HSPA12A: variants seen among roughly 807,000 people sequenced by gnomAD.
The protein encoded by HSPA12A is heat shock 70 kDa protein 12A.
HSPA12A carries 28 observed loss-of-function variants against 69.2 expected under a neutral mutation model. The ratio of observed to expected loss-of-function variants is 0.40; its 90% CI spans 0.30 to 0.55. The LOEUF is 0.55. Among genes scored for constraint, HSPA12A ranks in the 20% least tolerant of loss-of-function variants. The probability of loss-of-function intolerance (pLI) is 0.38; values close to 1 mark genes in which losing one functional copy is unlikely to be tolerated. For missense variants in HSPA12A, 686 were observed against 900.7 expected (o/e 0.76, Z 3.05); for synonymous variants, 345 against 370.5 (o/e 0.93, Z 0.79).
chr10:116,843,202 C>G (rs972157353), intron 1 of HSPA12A, among the ~76,000 whole-genome samples: 36 of 152,160 alleles, frequency 2.4e-4, no homozygotes, highest in African/African-American at 8.4e-4. Flanking sequence ...TGAAACAACA[C>G]AACTTCACAA....
chr10:116,755,505 A>AG (rs1166686423), intron 2 of HSPA12A, among the ~76,000 whole-genome samples: 1 of 147,112 alleles, frequency 6.8e-6, no homozygotes, highest in Non-Finnish European at 1.5e-5. Context: ...CCAGATACTT[A>AG]GGGGGCTGAA....
chr10:116,755,625 A>AG (rs1554888686), intron 2 of HSPA12A, among the ~76,000 whole-genome samples: 1 of 151,114 alleles, frequency 6.6e-6, no homozygotes, highest in African/African-American at 2.4e-5. Context: ...AAAAAAAAAA[A>AG]AAAAAAAGGT....
intron 1 of HSPA12A, 120 bp from the exon 2 acceptor site, chr10:116,707,405 G>A (rs1352287576): frequency 6.5e-6 from 5 of 764,800 alleles, no homozygotes; most frequent in East Asian, 2.7e-5. Flanking sequence ...GCCAGCTCAC[G>A]AAATGGGCAA....
Position 116,675,140 on chromosome 10 carries a change from C to T in HSPA12A, c.1669G>A (p.Val557Met), listed in dbSNP as rs1554877400. ...GTGCACCACCGAGTGCCATCCTTCA[C>T]CAGCAGCTTCTCAGGCGGGTGCTTG... ...EGKHPPEKLLVKDGTRWCTDV... is the reference protein window; with the variant it reads ...EGKHPPEKLLMKDGTRWCTDV... Residue 557 changes from valine to methionine, a missense_variant, in exon 12 of 12, where the codon GTG becomes ATG. Physicochemically the swap from Val to Met is conservative, Grantham distance 21. Coordinates refer to ENST00000369209, the MANE Select transcript of HSPA12A (RefSeq NM_025015.3). This position sits in a 1 kb window ranked among gnomAD's most constrained non-coding sequence, Gnocchi z 5.2. 6.2e-7 allele frequency: 1 copy of T among 1,614,034 alleles called. No homozygotes were observed. Among genetic ancestry groups the T allele is most frequent in the East Asian group, 2.2e-5 (1 of 44,864 alleles).
chr10:116,776,857 T>C (rs1554891208), intron 2 of HSPA12A, among the ~76,000 whole-genome samples: 1 of 152,226 alleles, frequency 6.6e-6, no homozygotes. Context: ...GCAAATATGA[T>C]AATTTAGGGA....
Position 116,788,951 on chromosome 10 carries a change from T to G in HSPA12A, c.91+45984A>C, listed in dbSNP as rs555579877. Among the ~76,000 whole-genome samples, 62 of 151,152 alleles carry G rather than the reference T, an allele frequency of 4.1e-4. 1 individual carries two copies. Among genetic ancestry groups the G allele is most frequent in the African/African-American group, 1.2e-3 (51 of 41,208 alleles). ...CAAGATCTCAGCTCACTGCAACCTC[T>G]ACCTCCCGGGTTCAAGCAGTTCTCC... On this transcript the variant is annotated intron_variant, in intron 2 of 12. Coordinates refer to the HSPA12A transcript ENST00000635765.
At position 116,692,332 on chromosome 10, in the gene HSPA12A, G is replaced by A. The variant is rs782171914; in HGVS notation, c.663+19C>T. 39 of 1,596,596 alleles carry A rather than the reference G, an allele frequency of 2.4e-5. No individual in the cohort carries two copies. Among genetic ancestry groups the A allele is most frequent in the South Asian group, 1.1e-4 (10 of 90,602 alleles). The stretch of plus-strand genomic sequence containing the variant: ...AGTCCTTCTCCTCCGGCTTCCACCC[G>A]CCCTGACTCTACCCTCACCTGGTAG... On this transcript the variant is annotated intron_variant, in intron 6 of 11. Coordinates refer to ENST00000369209, the MANE Select transcript of HSPA12A (RefSeq NM_025015.3).
At chr10:116,835,244 T>G (rs989739946) in intron 1 of HSPA12A, 3 of 273,064 alleles carry the variant, frequency 1.1e-5, no homozygotes, top group Non-Finnish European at 2.1e-5. Flanking sequence ...GCCCTGAGTC[T>G]CAGATGTTTT....
chr10:116,687,288 G>A lies in HSPA12A; in HGVS notation c.664-3326C>T, dbSNP rs115178843. Among the ~76,000 whole-genome samples, 218 of 152,294 alleles carry A rather than the reference G, an allele frequency of 1.4e-3. 1 individual carries two copies. The highest frequency in any genetic ancestry group is 4.9e-3 in the African/African-American group (203 of 41,562). ...CTGTACCAAGATGAGGATGCAGGTG[G>A]GAAGCGAAGGTGAAGAGGACCCCAC... On this transcript the variant is annotated intron_variant, in intron 6 of 11. Transcript: ENST00000369209.
In HSPA12A at chr10:116,675,273, G is replaced by T. The variant is rs201028668; in HGVS notation, c.1536C>A (p.Leu512=). ...AGAGGACGGCACCCTTGAGGATGGT[G>T]AGGCCCACGTCCTGGGGGATGATGA... ...CRIIIPQDVG[L]TILKGAVLFG... is the part of the protein sequence containing the mutation. The change falls in exon 12 of 12, where the codon CTC becomes CTA. Residue 512 remains leucine, a synonymous_variant. Transcript: ENST00000369209. This position sits in a 1 kb window ranked among gnomAD's most constrained non-coding sequence, Gnocchi z 5.2. The T allele has an allele frequency of 1.6e-4, 258 of 1,613,694 alleles. No individual in the cohort carries two copies. The highest frequency in any genetic ancestry group is 1.9e-4 in the Non-Finnish European group (220 of 1,180,044).
intron 1 of HSPA12A, among the ~76,000 whole-genome samples, chr10:116,842,524 T>C (rs925291151): frequency 6.6e-5 from 10 of 152,234 alleles, no homozygotes; most frequent in Non-Finnish European, 1.3e-4. Context: ...GTAGTTATGT[T>C]ACAAAAATAG....
intron 1 of HSPA12A, among the ~76,000 whole-genome samples, chr10:116,724,836 G>A (rs941193576): frequency 3.9e-5 from 6 of 152,162 alleles, no homozygotes; most frequent in Admixed American, 3.9e-4. Flanking sequence ...TCCTGCCCCA[G>A]GTCTTTGCCT....
intron 2 of HSPA12A, among the ~76,000 whole-genome samples, chr10:116,798,953 C>T (rs1479541391): frequency 5.3e-5 from 8 of 152,096 alleles, no homozygotes; most frequent in Admixed American, 5.2e-4. Flanking sequence ...CATCCACAGA[C>T]ATCCTCCGCA....
At chr10:116,794,795 A>G (rs564907084) in intron 2 of HSPA12A, among the ~76,000 whole-genome samples, 1 of 152,230 alleles carries the variant, frequency 6.6e-6, no homozygotes, top group Non-Finnish European at 1.5e-5. Context: ...CCTGGGTGAC[A>G]GAGCAAGATT....
intron 1 of HSPA12A, among the ~76,000 whole-genome samples, chr10:116,719,727 G>A (rs1554884174): frequency 6.6e-6 from 1 of 152,172 alleles, no homozygotes; most frequent in African/African-American, 2.4e-5. Context: ...TTACTTAGAT[G>A]GCATCTCATA....
chr10:116,731,174 C>A (rs544230099), intron 1 of HSPA12A, among the ~76,000 whole-genome samples: 236 of 152,318 alleles, frequency 1.5e-3, no homozygotes, highest in African/African-American at 5.3e-3. Context: ...ATGTTGGTTG[C>A]CCATCTTTCT....
At chr10:116,721,020 A>G (rs1850760601) in intron 1 of HSPA12A, among the ~76,000 whole-genome samples, 1 of 152,224 alleles carries the variant, frequency 6.6e-6, no homozygotes, top group South Asian at 2.1e-4. Flanking sequence ...GAGAGGAGAC[A>G]AAGTCCTTCC....
chr10:116,825,033 C>T (rs1218815411), intron 2 of HSPA12A, among the ~76,000 whole-genome samples: 1 of 144,058 alleles, frequency 6.9e-6, no homozygotes, highest in Non-Finnish European at 1.5e-5. Flanking sequence ...AGAAGAAATA[C>T]AAAAATTAAC....
At chr10:116,707,591 C>T (rs1363769125) in intron 1 of HSPA12A, among the ~76,000 whole-genome samples, 1 of 152,234 alleles carries the variant, frequency 6.6e-6, no homozygotes, top group African/African-American at 2.4e-5. Flanking sequence ...AAGCTCCGCT[C>T]CTGGCTGTGT....
Sources: gnomAD v4.1 joint callset for allele counts (sites outside exome capture counted in the v4.1 genomes callset) on GRCh38, gnomAD v4.1.1 for gene constraint, Gnocchi (gnomAD v3.1) non-coding constraint, MANE v1.5 for transcripts, NCBI Gene and HGNC (gene_info 2026-07-23, HGNC 2026-07-21) for gene names.